The following DPP6 variants were observed in gnomAD, a reference collection of about 807,000 sequenced individuals.
DPP6 encodes dipeptidyl peptidase like 6, also known as A-type potassium channel modulatory protein DPP6.
In DPP6, 69 loss-of-function variants were observed where a neutral mutation model predicts 122.6. The observed-to-expected ratio is 0.56, with a 90% CI of 0.46 to 0.69. DPP6 has a LOEUF of 0.69. Among genes scored for constraint, DPP6 ranks in the 30% least tolerant of loss-of-function variants. The probability of loss-of-function intolerance (pLI) is 0.00; values close to 1 mark genes in which losing one functional copy is unlikely to be tolerated. For missense variants in DPP6, 928 were observed against 1,116.9 expected, an observed-to-expected ratio of 0.83 and a Z score of 2.41; for synonymous variants, 418 against 433.1, an observed-to-expected ratio of 0.97 and a Z score of 0.43.
At chr7:154,500,020 C>T (rs1043781626) in intron 3 of DPP6, among the ~76,000 whole-genome samples, 25 of 152,134 alleles carry the variant, frequency 1.6e-4, no homozygotes, top group African/African-American at 3.9e-4. Context: ...GTGCCCCTGG[C>T]GAGTTGTATA....
chr7:154,596,406 C>T (rs949904525), intron 5 of DPP6, among the ~76,000 whole-genome samples: 2 of 152,328 alleles, frequency 1.3e-5, no homozygotes, highest in East Asian at 1.9e-4. Context: ...CGCGGGAACA[C>T]GGGCAGTGTA....
At chr7:154,518,001 C>G (rs1028076946) in intron 3 of DPP6, among the ~76,000 whole-genome samples, 1 of 152,132 alleles carries the variant, frequency 6.6e-6, no homozygotes, top group Non-Finnish European at 1.5e-5. Context: ...CATCAGCTAA[C>G]AGGACAGAAC....
intron 1 of DPP6, among the ~76,000 whole-genome samples, chr7:153,929,275 G>A (rs1226795184): frequency 6.6e-6 from 1 of 152,130 alleles, no homozygotes; most frequent in Non-Finnish European, 1.5e-5. Context: ...AGCATTCCAG[G>A]TCAGATAAGA....
At chr7:153,781,202 C>G in the DPP6 span, among the ~76,000 whole-genome samples, 1 of 152,162 alleles carries the variant, frequency 6.6e-6, no homozygotes, top group African/African-American at 2.4e-5. Flanking sequence ...CCTTTCTCAC[C>G]TTGCCTGTGC....
chr7:154,119,940 C>T (rs888738913), intron 1 of DPP6, among the ~76,000 whole-genome samples: 10 of 151,504 alleles, frequency 6.6e-5, no homozygotes, highest in African/African-American at 1.7e-4. Context: ...CTTTATTTCC[C>T]GATTTCCAGC....
chr7:154,189,529 C>T (rs935034765), intron 1 of DPP6, among the ~76,000 whole-genome samples: 22 of 152,144 alleles, frequency 1.4e-4, no homozygotes, highest in African/African-American at 5.1e-4. Context: ...ATGTTTGTTC[C>T]GCCAACTCAG....
At chr7:153,924,779 G>C (rs898887039) in intron 1 of DPP6, among the ~76,000 whole-genome samples, 2 of 152,204 alleles carry the variant, frequency 1.3e-5, no homozygotes, top group Non-Finnish European at 2.9e-5. Flanking sequence ...GCAGGACGTT[G>C]TGTGTGCCCA....
chr7:154,577,371 G>A (rs1332977397), intron 5 of DPP6, among the ~76,000 whole-genome samples: 1 of 152,184 alleles, frequency 6.6e-6, no homozygotes, highest in African/African-American at 2.4e-5. Flanking sequence ...CAAACTCCAG[G>A]AGAGACTGCT....
intron 1 of DPP6, among the ~76,000 whole-genome samples, chr7:154,257,702 A>G (rs1350669223): frequency 7.2e-6 from 1 of 138,778 alleles, no homozygotes; most frequent in Non-Finnish European, 1.6e-5. Flanking sequence ...CCATTTCAAA[A>G]ATAAACAAAT....
chr7:154,834,304 C>T (rs183711683), intron 16 of DPP6, among the ~76,000 whole-genome samples: 3,313 of 68,470 alleles, frequency 0.048, 135 homozygotes, highest in African/African-American at 0.13. Context: ...CTCGTCTCTA[C>T]TAAATACAAA....
intron 8 of DPP6, among the ~76,000 whole-genome samples, chr7:154,757,588 C>T (rs73498077): frequency 0.24 from 36,078 of 152,124 alleles, 4,536 homozygotes; most frequent in African/African-American, 0.3. Context: ...CATTTTTGCT[C>T]AGATTTCTGC....
intron 17 of DPP6, among the ~76,000 whole-genome samples, chr7:154,854,109 G>A (rs998185461): frequency 6.6e-6 from 1 of 152,194 alleles, no homozygotes; most frequent in Non-Finnish European, 1.5e-5. Context: ...CCTCTGAACA[G>A]CCAGCTCAAA....
chr7:154,494,361 A>AT (rs959024223), intron 3 of DPP6, among the ~76,000 whole-genome samples: 6 of 148,968 alleles, frequency 4.0e-5, no homozygotes, highest in African/African-American at 1.5e-4. Flanking sequence ...GTCTCAAAAA[A>AT]ATATATATTA....
chr7:154,858,740 G>T (rs1470806564), intron 17 of DPP6, among the ~76,000 whole-genome samples: 1 of 152,178 alleles, frequency 6.6e-6, no homozygotes, highest in Non-Finnish European at 1.5e-5. Context: ...CCATGTGCAG[G>T]CTGGGGTCAT....
Position 154,031,482 on chromosome 7 carries a change from C to T in DPP6, c.51+143748C>T, listed in dbSNP as rs186276345. On this transcript the variant is annotated intron_variant, in intron 1 of 25. Coordinates refer to the DPP6 transcript ENST00000404039. ...AAATACACAGTAGTTTTGGCATTAC[C>T]TGTGACTAAAAAAAATCACAGATAT... 1.5e-3 allele frequency among the ~76,000 whole-genome samples: 227 copies of T among 152,038 alleles called. 2 individuals are homozygous for T. The highest frequency in any genetic ancestry group is 5.2e-3 in the African/African-American group (213 of 41,340).
chr7:153,750,394 TTCACCCA>T, the DPP6 span, among the ~76,000 whole-genome samples: 2 of 141,832 alleles, frequency 1.4e-5, no homozygotes. Flanking sequence ...AAAATAAAGT[TTCACCCA>T]TCAGTGATAA....
rs1360812674 is a variant in DPP6 at position 154,660,344 on chromosome 7, C to G, written c.681-9016C>G. On this transcript the variant is annotated intron_variant, in intron 6 of 25. Transcript: ENST00000377770. ...TGTTCACGCAGTCATGGTGAATCAC[C>G]ATGGCGTATTGGCCGTAGTGTTCAT... Among the ~76,000 whole-genome samples, 21 of 148,008 alleles carry G rather than the reference C, an allele frequency of 1.4e-4. 3 individuals carry two copies. The highest frequency in any genetic ancestry group is 5.2e-4 in the African/African-American group (20 of 38,662).
At chr7:153,902,307 T>A (rs141557255) in intron 1 of DPP6, among the ~76,000 whole-genome samples, 2 of 152,340 alleles carry the variant, frequency 1.3e-5, no homozygotes, top group African/African-American at 4.8e-5. Context: ...CTGGCTTTAT[T>A]TAGAGGGGGG....
intron 17 of DPP6, among the ~76,000 whole-genome samples, chr7:154,857,887 G>T (rs1584910433): frequency 6.6e-6 from 1 of 152,202 alleles, no homozygotes; most frequent in African/African-American, 2.4e-5. Flanking sequence ...TTTCACGATT[G>T]AAAAGGCCGC....
Sources: gnomAD v4.1 joint callset for allele counts (sites outside exome capture counted in the v4.1 genomes callset) on GRCh38, gnomAD v4.1.1 for gene constraint, MANE v1.5 for transcripts, NCBI Gene and HGNC (gene_info 2026-07-23, HGNC 2026-07-21) for gene names.